Variants in AP3S1 observed in about 807,000 individuals in gnomAD.
The protein encoded by AP3S1 is AP-3 complex subunit sigma-1.
A neutral mutation model predicts 21.3 loss-of-function variants in AP3S1; 12 were observed. The observed-to-expected ratio is 0.56, with a 90% CI of 0.36 to 0.91. AP3S1 has a LOEUF of 0.91. AP3S1 is among the 40% of genes least tolerant of loss of function. The probability of loss-of-function intolerance (pLI) is 0.01; values close to 1 mark genes in which losing one functional copy is unlikely to be tolerated. For missense variants in AP3S1, 116 were observed against 225.0 expected (o/e 0.52, Z 3.10); for synonymous variants, 48 against 78.4 (o/e 0.61, Z 2.05).
intron 4 of AP3S1, among the ~76,000 whole-genome samples, chr5:115,895,728 T>C (rs966340954): frequency 1.3e-5 from 2 of 152,192 alleles, no homozygotes; most frequent in Admixed American, 1.3e-4. Context: ...TCTTGTATTA[T>C]GGAGATTGGA....
Position 115,870,018 on chromosome 5 carries a change from T to G in AP3S1, c.163T>G (p.Leu55Val). 7 of 1,586,090 alleles carry G rather than the reference T, an allele frequency of 4.4e-6. No homozygotes were observed. The highest frequency in any genetic ancestry group is 6.0e-6 in the Non-Finnish European group (7 of 1,168,504). ...CATTACAATTTTTTTGTCATTTAGA[T>G]TAATTGGAGGATCTGACAACAAACT... ...NVCNFLEGGL[L>V]IGGSDNKLIY... The change falls in exon 3 of 6, where the codon TTA becomes GTA. Residue 55 changes from leucine (L) to valine (V), a missense_variant and splice_region_variant. Physicochemically the swap from Leu to Val is conservative, Grantham distance 32 (BLOSUM62 1). Transcript: ENST00000316788.
intron 3 of AP3S1, among the ~76,000 whole-genome samples, chr5:115,882,312 A>G (rs1749368350): frequency 6.6e-6 from 1 of 151,774 alleles, no homozygotes; most frequent in South Asian, 2.1e-4. Context: ...GACTTTTTGC[A>G]CTGGTTTTTC....
intron 1 of AP3S1, among the ~76,000 whole-genome samples, chr5:115,856,014 A>G (rs1212600778): frequency 6.6e-6 from 1 of 152,128 alleles, no homozygotes; most frequent in Non-Finnish European, 1.5e-5. Context: ...TTTGTTTTTC[A>G]TTACTACATT....
At chr5:115,889,992 A>G (rs530118079) in intron 3 of AP3S1, among the ~76,000 whole-genome samples, 1 of 152,212 alleles carries the variant, frequency 6.6e-6, no homozygotes, top group Non-Finnish European at 1.5e-5. Context: ...TAAAAGATGG[A>G]TAACATAAGG....
chr5:115,842,517 A>T (rs912193592), intron 1 of AP3S1: 7 of 159,578 alleles, frequency 4.4e-5, no homozygotes, highest in African/African-American at 1.8e-4. Flanking sequence ...GCCCGGGAGG[A>T]GGAAGACGGC....
At chr5:115,905,721 T>C (rs1170227372) in intron 5 of AP3S1, among the ~76,000 whole-genome samples, 1 of 152,232 alleles carries the variant, frequency 6.6e-6, no homozygotes, top group Non-Finnish European at 1.5e-5. Flanking sequence ...ATATGTTTCA[T>C]GTCCATGTTA....
At chr5:115,892,221 A>G (rs1191818464) in intron 3 of AP3S1, among the ~76,000 whole-genome samples, 1 of 152,214 alleles carries the variant, frequency 6.6e-6, no homozygotes, top group African/African-American at 2.4e-5. Context: ...GAGAACATAA[A>G]TTAGCACAGC....
intron 1 of AP3S1, among the ~76,000 whole-genome samples, chr5:115,864,432 G>T (rs536109431): frequency 3.3e-5 from 5 of 152,230 alleles, no homozygotes; most frequent in Non-Finnish European, 7.3e-5. Context: ...TAAAGATCAG[G>T]GTCATAAGGA....
intron 1 of AP3S1, among the ~76,000 whole-genome samples, chr5:115,863,038 G>A (rs1353273325): frequency 1.3e-5 from 2 of 152,316 alleles, no homozygotes; most frequent in African/African-American, 2.4e-5. Flanking sequence ...CAAGGCAGGT[G>A]GATCACTTGA....
intron 1 of AP3S1, among the ~76,000 whole-genome samples, chr5:115,847,661 CAA>C (rs36014273): frequency 9.1e-4 from 137 of 150,608 alleles, no homozygotes; most frequent in African/African-American, 3.1e-3. Context: ...GTATAGATGA[CAA>C]AAAAAAATTA....
intron 1 of AP3S1, among the ~76,000 whole-genome samples, chr5:115,845,149 A>G (rs1175496502): frequency 2.6e-5 from 4 of 152,242 alleles, no homozygotes; most frequent in Non-Finnish European, 5.9e-5. Context: ...GTCTCTAAGA[A>G]GTATATGTCC....
intron 1 of AP3S1, among the ~76,000 whole-genome samples, chr5:115,842,837 G>A (rs1255887186): frequency 6.6e-6 from 1 of 152,204 alleles, no homozygotes; most frequent in Admixed American, 6.5e-5. Flanking sequence ...AGTAACCGGC[G>A]ACGTTTGTAG....
chr5:115,843,182 A>G (rs1761770660), intron 1 of AP3S1, among the ~76,000 whole-genome samples: 3 of 152,228 alleles, frequency 2.0e-5, no homozygotes, highest in Admixed American at 2.0e-4. Flanking sequence ...GTTGTGTGGT[A>G]TTGTGGCACT....
At chr5:115,850,390 CA>C (rs1386741029) in intron 1 of AP3S1, among the ~76,000 whole-genome samples, 4 of 152,132 alleles carry the variant, frequency 2.6e-5, no homozygotes, top group Non-Finnish European at 4.4e-5. Flanking sequence ...ATCATTTTAA[CA>C]GTTGCAAGTG....
intron 3 of AP3S1, among the ~76,000 whole-genome samples, chr5:115,886,162 T>C (rs934610169): frequency 2.0e-5 from 3 of 152,202 alleles, no homozygotes; most frequent in African/African-American, 4.8e-5. Flanking sequence ...AGTTGCCTTA[T>C]GGGATTACTG....
At chr5:115,874,390 AT>A (rs1748526662) in intron 3 of AP3S1, among the ~76,000 whole-genome samples, 1 of 152,088 alleles carries the variant, frequency 6.6e-6, no homozygotes, top group South Asian at 2.1e-4. Context: ...TGAGTTATTT[AT>A]AAGCAGTTGT....
At chr5:115,857,355 C>T (rs1762872947) in intron 1 of AP3S1, among the ~76,000 whole-genome samples, 1 of 152,144 alleles carries the variant, frequency 6.6e-6, no homozygotes, top group Non-Finnish European at 1.5e-5. Context: ...GAACTCAGTT[C>T]TCACAACACC....
chr5:115,859,227 C>T (rs1345788074), intron 1 of AP3S1, among the ~76,000 whole-genome samples: 1 of 152,196 alleles, frequency 6.6e-6, no homozygotes, highest in African/African-American at 2.4e-5. Context: ...GACTACAACT[C>T]CCCAAATCGT....
At chr5:115,842,343 G>T (rs1761652481) in intron 1 of AP3S1, 2 of 500,854 alleles carry the variant, frequency 4.0e-6, no homozygotes, top group East Asian at 8.0e-5. Context: ...CCCGTCGGTG[G>T]GCTGCATGCT....
Sources: allele counts gnomAD v4.1 joint callset (sites outside exome capture counted in the v4.1 genomes callset), GRCh38; gene constraint gnomAD v4.1.1; transcripts MANE v1.5; gene names NCBI Gene and HGNC (gene_info 2026-07-23, HGNC 2026-07-21).